Variants in ANKS1B observed in about 807,000 individuals in gnomAD.
ANKS1B encodes ankyrin repeat and sterile alpha motif domain containing 1B.
In ANKS1B, 36 loss-of-function variants were observed where a neutral mutation model predicts 148.3. The observed-to-expected ratio is 0.24, with a 90% CI of 0.19 to 0.32. ANKS1B has a LOEUF of 0.32. Among genes scored for constraint, ANKS1B ranks in the 10% least tolerant of loss-of-function variants. The pLI is 1.00. For synonymous variants in ANKS1B, 542 were observed against 560.8 expected, an observed-to-expected ratio of 0.97 and a Z score of 0.47; for missense variants, 1,157 against 1,542.6, an observed-to-expected ratio of 0.75 and a Z score of 4.19.
intron 17 of ANKS1B, among the ~76,000 whole-genome samples, chr12:99,000,199 AG>A (rs2099932087): frequency 6.6e-6 from 1 of 151,688 alleles, no homozygotes; most frequent in South Asian, 2.1e-4. Flanking sequence ...CTATAGAGAT[AG>A]GGGAGGGTAG....
chr12:99,757,779 T>C (rs1034643169), intron 8 of ANKS1B, among the ~76,000 whole-genome samples: 4 of 152,054 alleles, frequency 2.6e-5, no homozygotes, highest in African/African-American at 7.2e-5. Flanking sequence ...AATGAGATCA[T>C]GCCCTTTCCA....
chr12:99,939,828 G>A (rs1420579432), intron 1 of ANKS1B, among the ~76,000 whole-genome samples: 1 of 152,098 alleles, frequency 6.6e-6, no homozygotes, highest in East Asian at 1.9e-4. Context: ...TTTCTCCTTT[G>A]TAAAAGGAGA....
At chr12:99,844,065 C>T (rs2086210269) in intron 1 of ANKS1B, among the ~76,000 whole-genome samples, 1 of 152,098 alleles carries the variant, frequency 6.6e-6, no homozygotes, top group African/African-American at 2.4e-5. Context: ...AGTGTCTGTT[C>T]ATGTCCTTTG....
At chr12:99,975,966 G>C (rs2095623613) in intron 1 of ANKS1B, among the ~76,000 whole-genome samples, 1 of 152,120 alleles carries the variant, frequency 6.6e-6, no homozygotes, top group African/African-American at 2.4e-5. Flanking sequence ...ATCAATGGTA[G>C]ACTGGACAAG....
chr12:99,564,795 A>C (rs952688185), intron 9 of ANKS1B, among the ~76,000 whole-genome samples: 1 of 152,150 alleles, frequency 6.6e-6, no homozygotes, highest in African/African-American at 2.4e-5. Context: ...GAAATTTTTC[A>C]AACTTGAAAT....
chr12:98,756,237 T>G (rs761075314), intron 25 of ANKS1B, among the ~76,000 whole-genome samples: 13 of 152,122 alleles, frequency 8.5e-5, no homozygotes, highest in Non-Finnish European at 1.3e-4. Flanking sequence ...GTCTTTCCCA[T>G]GCTGTTCTTG....
intron 1 of ANKS1B, among the ~76,000 whole-genome samples, chr12:99,893,244 A>G (rs1354336177): frequency 6.6e-6 from 1 of 152,036 alleles, no homozygotes; most frequent in Non-Finnish European, 1.5e-5. Context: ...CCCCGTCTCT[A>G]CTAAAAATAC....
chr12:99,366,464 C>G (rs1217473665), intron 12 of ANKS1B, among the ~76,000 whole-genome samples: 1 of 151,914 alleles, frequency 6.6e-6, no homozygotes, highest in Non-Finnish European at 1.5e-5. Flanking sequence ...TTGTAAACCT[C>G]TATAATTAAA....
At chr12:99,744,917 G>A (rs191168704) in intron 8 of ANKS1B, among the ~76,000 whole-genome samples, 12 of 146,280 alleles carry the variant, frequency 8.2e-5, no homozygotes, top group East Asian at 4.0e-4. Context: ...GCTTGAACCC[G>A]GGAGATGGAG....
intron 14 of ANKS1B, 128 bp from the exon 15 acceptor site, chr12:99,154,523 C>T (rs368119966): frequency 5.1e-5 from 82 of 1,599,592 alleles, no homozygotes; most frequent in Middle Eastern, 2.3e-4. Context: ...CAAAGGAGCC[C>T]GCCAGCTTGA....
At chr12:99,656,992 CT>C (rs2098452639) in intron 8 of ANKS1B, among the ~76,000 whole-genome samples, 1 of 152,096 alleles carries the variant, frequency 6.6e-6, no homozygotes, top group Non-Finnish European at 1.5e-5. Context: ...CACATTTTAA[CT>C]TCCCCTTGAT....
chr12:99,338,017 G>C (rs560909233), intron 12 of ANKS1B, among the ~76,000 whole-genome samples: 1 of 152,252 alleles, frequency 6.6e-6, no homozygotes, highest in Non-Finnish European at 1.5e-5. Flanking sequence ...GGCCTGTGGT[G>C]ACCACTGCCT....
At chr12:99,741,206 A>AACACACACACACACACACACACACAC (rs774613671) in intron 8 of ANKS1B, among the ~76,000 whole-genome samples, 1 of 135,338 alleles carries the variant, frequency 7.4e-6, no homozygotes, top group Non-Finnish European at 1.6e-5. Flanking sequence ...GGCTCCGTCA[A>AACACACACACACACACACACACACAC]ACACACACAC....
At chr12:98,760,939 TA>T (rs2153437107) in intron 25 of ANKS1B, among the ~76,000 whole-genome samples, 1 of 152,338 alleles carries the variant, frequency 6.6e-6, no homozygotes, top group Admixed American at 6.5e-5. Context: ...ATAATGATGA[TA>T]AAGCAGTGGC....
At chr12:99,477,694 T>C (rs2096347623) in intron 10 of ANKS1B, among the ~76,000 whole-genome samples, 1 of 152,214 alleles carries the variant, frequency 6.6e-6, no homozygotes, top group East Asian at 1.9e-4. Flanking sequence ...CTATCATAGA[T>C]ATTAAAATAT....
chr12:99,559,514 C>T (rs985523431), intron 9 of ANKS1B, among the ~76,000 whole-genome samples: 3 of 152,094 alleles, frequency 2.0e-5, no homozygotes, highest in Non-Finnish European at 2.9e-5. Context: ...TAATATTACT[C>T]GTTCCAGTTG....
chr12:98,735,144 A>G (rs1271185762), exon 10 of ANKS1B: 1 of 398,708 alleles, frequency 2.5e-6, no homozygotes, highest in Non-Finnish European at 4.4e-6. Context: ...AGTATGATGG[A>G]GCTGCAAATT....
intron 14 of ANKS1B, among the ~76,000 whole-genome samples, chr12:99,184,968 T>C (rs1342685098): frequency 2.0e-5 from 3 of 152,234 alleles, no homozygotes; most frequent in East Asian, 3.8e-4. Flanking sequence ...TCCTATATAT[T>C]GGATAATTAA....
chr12:99,572,948 T>C (rs889298475), intron 9 of ANKS1B, among the ~76,000 whole-genome samples: 2 of 152,094 alleles, frequency 1.3e-5, no homozygotes, highest in African/African-American at 2.4e-5. Flanking sequence ...AGTAATAACA[T>C]AATTTAGGCA....
Sources: gnomAD v4.1 joint callset for allele counts (sites outside exome capture counted in the v4.1 genomes callset) on GRCh38, gnomAD v4.1.1 for gene constraint, MANE v1.5 for transcripts, NCBI Gene and HGNC (gene_info 2026-07-23, HGNC 2026-07-21) for gene names.